Variants in URB1 observed in about 807,000 individuals in gnomAD.
URB1 encodes nucleolar pre-ribosomal-associated protein 1.
In URB1, 197 loss-of-function variants were observed where a neutral mutation model predicts 242.3. That is an observed-to-expected ratio of 0.81 (90% CI 0.72 to 0.91). The LOEUF (loss-of-function observed/expected upper bound fraction) is 0.91, where lower values mean the gene tolerates loss of function less well. URB1 is among the 40% of genes least tolerant of loss of function. The pLI is 0.00. For synonymous variants in URB1, 1,153 were observed against 1,201.8 expected (o/e 0.96, Z 0.84); for missense variants, 2,721 against 2,860.5 (o/e 0.95, Z 1.11).
At chr21:32,352,928 A>G in intron 18 of URB1, 22 bp from the exon 19 acceptor site, 2 of 1,522,072 alleles carry the variant, frequency 1.3e-6, no homozygotes, top group Non-Finnish European at 1.8e-6. Flanking sequence ...CGAGATGCAT[A>G]TGGGAAGAGG....
chr21:32,374,690 G>T (rs957743914), intron 6 of URB1, among the ~76,000 whole-genome samples: 1 of 152,124 alleles, frequency 6.6e-6, no homozygotes, highest in Non-Finnish European at 1.5e-5. Context: ...AATTGTTATG[G>T]GGGCCATCCT....
intron 30 of URB1, among the ~76,000 whole-genome samples, chr21:32,331,768 CA>C (rs2032895370): frequency 6.6e-6 from 1 of 152,254 alleles, no homozygotes; most frequent in African/African-American, 2.4e-5. Context: ...GCCACACCAG[CA>C]AAGGTGGAGC....
At position 32,347,102 on chromosome 21, in the gene URB1, C is replaced by A. The variant is rs1324226238; in HGVS notation, c.3722G>T (p.Ser1241Ile). Reference protein sequence around the residue: ...LSIAALLLQESCTHLLWFEQW... With the variant: ...LSIAALLLQEICTHLLWFEQW... ...CTCGAACCACAGCAAGTGGGTGCAG[C>A]TCTCCTGGAGGAGCAGGGCAGCGAT... Residue 1241 changes from serine (S) to isoleucine (I), a missense_variant, in exon 22 of 39, where the codon AGC (serine) becomes ATC (isoleucine). By Grantham distance (142) the Ser-to-Ile change is moderately radical. Coordinates refer to ENST00000382751, the MANE Select transcript of URB1 (RefSeq NM_014825.3). 2 of 1,550,128 alleles carry A rather than the reference C, an allele frequency of 1.3e-6. No individual in the cohort carries two copies. The highest frequency in any genetic ancestry group is 1.7e-6 in the Non-Finnish European group (2 of 1,146,636).
At chr21:32,346,452 C>T (rs116957284) in intron 22 of URB1, among the ~76,000 whole-genome samples, 2,039 of 152,290 alleles carry the variant, frequency 0.013, 19 homozygotes, top group Non-Finnish European at 0.02. Context: ...GTAAAAATCA[C>T]CCATGCATTC....
chr21:32,356,160 T>A (rs1452815720), intron 15 of URB1, among the ~76,000 whole-genome samples: 1 of 152,196 alleles, frequency 6.6e-6, no homozygotes, highest in Non-Finnish European at 1.5e-5. Context: ...GTGTGAGAAT[T>A]GCTTGAGCTC....
chr21:32,325,424 A>C, intron 30 of URB1, 35 bp from the exon 31 acceptor site: 7 of 1,524,394 alleles, frequency 4.6e-6, no homozygotes, highest in Non-Finnish European at 5.3e-6. Context: ...AAACACACAC[A>C]ATATGATTTT....
rs181634814 is a variant in URB1, at chr21:32,354,192, G to A, written c.2246-89C>T. On this transcript the variant is annotated intron_variant, in intron 17 of 38. Transcript: ENST00000382751. ...CCACAGGGAGGCAGAAGCAGAATAC[G>A]TGCAAAAAGAAAAAAGCCAAATTCC... 74 of 1,462,540 alleles carry A rather than the reference G, an allele frequency of 5.1e-5. 1 individual carries two copies. The African/African-American group carries it at 5.6e-4, about 11-fold the overall frequency. The allele number at this position is 1,462,540 out of a possible 1,614,324, so 90.6% of individuals were successfully genotyped here. A position where few individuals can be genotyped will look rare whatever the true frequency, so the allele number is the denominator to read the frequency against.
At chr21:32,390,772 C>T (rs1293044515) in intron 1 of URB1, among the ~76,000 whole-genome samples, 1 of 152,172 alleles carries the variant, frequency 6.6e-6, no homozygotes, top group Non-Finnish European at 1.5e-5. Flanking sequence ...GTTGGTGGGA[C>T]TGTAAACTAG....
intron 26 of URB1, 79 bp from the exon 27 acceptor site, chr21:32,337,593 G>A (rs1450769847): frequency 5.7e-6 from 7 of 1,224,172 alleles, no homozygotes; most frequent in Non-Finnish European, 8.1e-6. Context: ...AGCCTTCCAG[G>A]CAACATTGAA....
At chr21:32,327,503 C>A (rs969464183) in intron 30 of URB1, among the ~76,000 whole-genome samples, 5 of 151,656 alleles carry the variant, frequency 3.3e-5, no homozygotes, top group African/African-American at 1.2e-4. Flanking sequence ...CAATTGGTCA[C>A]CAGTAGACTT....
Position 32,321,847 on chromosome 21 carries a change from A to T in URB1, c.5438T>A (p.Ile1813Asn). The stretch of plus-strand genomic sequence containing the variant: ...CGGGCTGTGGAAGAAGGACAGGATG[A>T]TGTGGAAGATGCCACGCCGGGCACA... The part of the protein sequence containing the change: ...ELCARRGIFH[I>N]ILSFFHSPLC... Residue 1813 changes from isoleucine (I) to asparagine (N), a missense_variant, in exon 34 of 39, where the codon ATC becomes AAC. Transcript: ENST00000382751. 1 of 1,551,716 alleles carries T rather than the reference A, an allele frequency of 6.4e-7. No individual in the cohort carries two copies. Among genetic ancestry groups the T allele is most frequent in the Non-Finnish European group, 8.7e-7 (1 of 1,147,002 alleles).
intron 14 of URB1, among the ~76,000 whole-genome samples, chr21:32,358,253 C>A (rs912500134): frequency 5.9e-5 from 9 of 152,078 alleles, no homozygotes; most frequent in African/African-American, 2.2e-4. Context: ...ACAGCTGCTA[C>A]CCTATTTTAC....
Position 32,355,521 on chromosome 21 carries a change from C to G in URB1, c.2034G>C (p.Leu678=). The G allele has an allele frequency of 6.4e-7, 1 of 1,551,782 alleles. No homozygotes were observed. Among genetic ancestry groups the G allele is most frequent in the Non-Finnish European group, 8.7e-7 (1 of 1,147,010 alleles). ...TGVFEHTWKE[L]ELWLEHLENT... ...TCTCTAAATGCTCCAGCCAGAGCTC[C>G]AGCTCCTTCCAGGTGTGCTCAAACA... The change falls in exon 16 of 39, where the codon CTG becomes CTC. Residue 678 remains leucine (L), a synonymous_variant. Coordinates refer to ENST00000382751, the MANE Select transcript of URB1 (RefSeq NM_014825.3).
chr21:32,352,990 C>G, intron 18 of URB1, 84 bp from the exon 19 acceptor site: 1 of 1,392,676 alleles, frequency 7.2e-7, no homozygotes, highest in Non-Finnish European at 9.5e-7. Flanking sequence ...CTTCCACATA[C>G]AGGCAAGACC....
chr21:32,314,414 A>C lies in URB1; in HGVS notation c.*504T>G. ...TGGGAAGGCTGGTTTCGAACTCCTG[A>C]CCTCAGGTGATTCACCCGCCTTGGC... On this transcript the variant is annotated 3_prime_UTR_variant, in exon 39 of 39. Coordinates refer to ENST00000382751, the MANE Select transcript of URB1 (RefSeq NM_014825.3). 1.4e-6 allele frequency: 1 copy of C among 726,548 alleles called. No homozygotes were observed. The allele number at this position is 726,548 out of a possible 1,614,324, so 45.0% of individuals were successfully genotyped here.
Position 32,354,052 on chromosome 21 carries a change from T to G in URB1, c.2297A>C (p.Glu766Ala). 1 of 1,551,678 alleles carries G rather than the reference T, an allele frequency of 6.4e-7. No individual in the cohort carries two copies. Among genetic ancestry groups the G allele is most frequent in the Non-Finnish European group, 8.7e-7 (1 of 1,146,998 alleles). Residue 766 changes from glutamate to alanine, a missense_variant, in exon 18 of 39, where the codon GAG becomes GCG. Transcript: ENST00000382751. ...TTCACTCAACGTGAACCCTATTTCCTCATCCAAGCCTTCACTGCCCTCCAC... is the reference window on the plus strand; with the variant it reads ...TTCACTCAACGTGAACCCTATTTCCGCATCCAAGCCTTCACTGCCCTCCAC... ...VLVEGSEGLD[E>A]EIGFTLSEDM... is the part of the protein sequence containing the mutation.
chr21:32,382,300 G>C (rs2033535598), intron 4 of URB1, among the ~76,000 whole-genome samples: 1 of 152,186 alleles, frequency 6.6e-6, no homozygotes, highest in Admixed American at 6.5e-5. Flanking sequence ...CTTTTTATTA[G>C]AAACGTATTT....
chr21:32,363,018 G>T, intron 11 of URB1, 138 bp downstream of exon 11: 3 of 1,107,638 alleles, frequency 2.7e-6, no homozygotes, highest in African/African-American at 1.6e-5. Context: ...CAGCACCCAC[G>T]CTACCACACT....
rs1449812753 is a variant in URB1 at position 32,384,424 on chromosome 21, C to T, written c.323G>A (p.Arg108Gln). 5.8e-6 allele frequency: 9 copies of T among 1,551,824 alleles called. No individual in the cohort carries two copies. In the East Asian group the frequency reaches 7.3e-5, roughly 13 times the overall value. Residue 108 changes from arginine to glutamine, a missense_variant, in exon 3 of 39, where the codon CGG becomes CAG. Coordinates refer to ENST00000382751, the MANE Select transcript of URB1 (RefSeq NM_014825.3). ...IFQVFEAILL[R>Q]TASDLSHFHV... is the part of the protein sequence containing the mutation. ...GAAATGTGAAAGATCACTTGCTGTC[C>T]GCAATAATATGGCCTCGAAAACTTG...
Sources: gnomAD v4.1 joint callset for allele counts (sites outside exome capture counted in the v4.1 genomes callset) on GRCh38, gnomAD v4.1.1 for gene constraint, MANE v1.5 for transcripts, NCBI Gene and HGNC (gene_info 2026-07-23, HGNC 2026-07-21) for gene names.